FRMD8: variants seen among roughly 807,000 people sequenced by gnomAD.
The protein encoded by FRMD8 is FERM domain-containing protein 8.
Under a neutral mutation model 54.2 loss-of-function variants are expected in FRMD8, and 37 were observed. The observed-to-expected ratio is 0.68, with a 90% confidence interval of 0.53 to 0.90. FRMD8 has a LOEUF of 0.90. FRMD8 is among the 40% of genes least tolerant of loss of function. The probability of loss-of-function intolerance (pLI) is 0.00; values close to 1 mark genes in which losing one functional copy is unlikely to be tolerated. For missense variants in FRMD8, 585 were observed against 653.7 expected (o/e 0.89, Z 1.15); for synonymous variants, 246 against 286.9 (o/e 0.86, Z 1.44).
Position 65,405,013 on chromosome 11 carries a change from C to G in FRMD8, c.1221C>G (p.Gly407=), listed in dbSNP as rs772809773. The G allele has an allele frequency of 6.2e-7, 1 of 1,613,278 alleles. No homozygotes were observed. Residue 407 remains glycine (G), a synonymous_variant, in exon 10 of 11, where the codon GGC becomes GGG. Transcript: ENST00000317568. ...PVQRPKLRRQ[G]SVVSSRIQHL... is the part of the protein sequence containing the mutation. ...AGCGCCCCAAGCTGCGGAGGCAGGGCAGTGTGGTGTCCAGCCGGATCCAGC... is the reference window on the plus strand; with the variant it reads ...AGCGCCCCAAGCTGCGGAGGCAGGGGAGTGTGGTGTCCAGCCGGATCCAGC...
Position 65,400,708 on chromosome 11 carries a change from G to A in FRMD8, c.928-16G>A, listed in dbSNP as rs201701954. On this transcript the variant is annotated splice_polypyrimidine_tract_variant and intron_variant, in intron 8 of 10. Coordinates refer to ENST00000317568, the MANE Select transcript of FRMD8 (RefSeq NM_031904.5). This position sits in a 1 kb window ranked among gnomAD's most constrained non-coding sequence, Gnocchi z 4.3. ...GCCCAGGGGTCAAGCCTGGCTCTGT[G>A]TCTCCTGCTGGCCAGCATGTCCTGC... is the stretch of plus-strand genomic sequence containing the variant. 1,551 of 1,565,370 alleles carry A rather than the reference G, an allele frequency of 9.9e-4. 4 individuals carry two copies. Among genetic ancestry groups the A allele is most frequent in the Middle Eastern group, 4.0e-3 (23 of 5,686 alleles).
At chr11:65,386,584 G>T (rs1270836833), upstream of FRMD8, 1 of 165,600 alleles carries the variant, frequency 6.0e-6, no homozygotes, top group Admixed American at 6.5e-5. Context: ...GCTCCCCCGG[G>T]TCGAAGGGGG....
the FRMD8 span, chr11:65,376,290 T>G: frequency 7.6e-7 from 1 of 1,321,478 alleles, no homozygotes; most frequent in Non-Finnish European, 1.0e-6. Flanking sequence ...GGAGGCACCT[T>G]GGTTAGGAAG....
intron 10 of FRMD8, among the ~76,000 whole-genome samples, chr11:65,405,624 A>AAAAT (rs547447537): frequency 2.4e-4 from 37 of 152,168 alleles, no homozygotes; most frequent in East Asian, 7.7e-4. Context: ...CTCCGTCTCA[A>AAAAT]AAATAAATAA....
At chr11:65,403,416 C>T (rs937478384) in intron 9 of FRMD8, among the ~76,000 whole-genome samples, 1 of 152,200 alleles carries the variant, frequency 6.6e-6, no homozygotes, top group African/African-American at 2.4e-5. Flanking sequence ...CTCCTGACCT[C>T]AGGTGATCCA....
intron 3 of FRMD8, among the ~76,000 whole-genome samples, chr11:65,390,741 G>A (rs1855828440): frequency 6.6e-6 from 1 of 152,210 alleles, no homozygotes; most frequent in African/African-American, 2.4e-5. Context: ...TGGGGGTACA[G>A]TTCTGCATGG....
At chr11:65,387,401 A>C in intron 2 of FRMD8, 1 of 611,080 alleles carries the variant, frequency 1.6e-6, no homozygotes, top group Non-Finnish European at 2.9e-6. Context: ...GATGTGGTTC[A>C]TGCTTGTAAT....
At chr11:65,389,304 C>T (rs1855792666) in intron 2 of FRMD8, 57 bp from the exon 3 acceptor site, 37 of 1,574,680 alleles carry the variant, frequency 2.3e-5, no homozygotes, top group Non-Finnish European at 2.9e-5. Flanking sequence ...CCTGGTTGGC[C>T]TGGCCTGGCT....
intron 6 of FRMD8, 98 bp from the exon 7 acceptor site, chr11:65,396,701 G>A: frequency 2.8e-6 from 2 of 708,188 alleles, no homozygotes. Context: ...AAGTAGATGT[G>A]TGTCTGCTTC....
At chr11:65,397,124 T>C in intron 7 of FRMD8, 104 bp downstream of exon 7, 1 of 637,576 alleles carries the variant, frequency 1.6e-6, no homozygotes, top group Non-Finnish European at 2.5e-6. Flanking sequence ...CTGAGCTGTG[T>C]CCCCATGAAG....
the FRMD8 span, chr11:65,375,561 A>C: frequency 1.3e-5 from 2 of 152,466 alleles, no homozygotes; most frequent in African/African-American, 4.8e-5. Flanking sequence ...GGGTCCAGGA[A>C]GCAACCCCAG....
rs765424372 is a variant in FRMD8, at chr11:65,400,836, TCAA to T, written c.1044_1046del (p.Asn348del). ...GACGGGGACAGCGAGGGCACACCTG[TCAA>T]CAAGCTCCTCAAGATCTACTCCAAG... is the stretch of plus-strand genomic sequence containing the variant. On this transcript the variant is annotated inframe_deletion, in exon 9 of 11. Transcript: ENST00000317568. This position sits in a 1 kb window ranked among gnomAD's most constrained non-coding sequence, Gnocchi z 4.3. 1.2e-6 allele frequency: 2 copies of T among 1,612,076 alleles called. No homozygotes were observed. The highest frequency in any genetic ancestry group is 1.1e-5 in the South Asian group (1 of 90,586).
chr11:65,395,017 C>T lies in FRMD8; in HGVS notation c.581+592C>T, dbSNP rs149640716. Among the ~76,000 whole-genome samples, 263 of 152,266 alleles carry T rather than the reference C, an allele frequency of 1.7e-3. 1 individual carries two copies. Among genetic ancestry groups the T allele is most frequent in the African/African-American group, 5.8e-3 (239 of 41,542 alleles). ...ATCCCAACACTTTGGGAGGTCAAGG[C>T]AGGCAAATCGCTTAAGGTCAGGAGT... On this transcript the variant is annotated intron_variant, in intron 6 of 10. Coordinates refer to ENST00000317568, the MANE Select transcript of FRMD8 (RefSeq NM_031904.5).
chr11:65,387,098 G>A lies in FRMD8; in HGVS notation c.62G>A (p.Ser21Asn). 6.2e-7 allele frequency: 1 copy of A among 1,607,460 alleles called. No homozygotes were observed. Among genetic ancestry groups the A allele is most frequent in the Non-Finnish European group, 8.5e-7 (1 of 1,179,994 alleles). ...PGPAERSHRS[S>N]VSSVGARAAD... ...CCCGCTGAGCGATCCCACCGAAGCA[G>A]CGTGTCCTCCGTGGGAGCCCGAGGT... is the stretch of plus-strand genomic sequence containing the variant. The change falls in exon 2 of 11, where the codon AGC (serine) becomes AAC (asparagine). Residue 21 changes from serine (S) to asparagine (N), a missense_variant. Ser to Asn is a conservative substitution (Grantham distance 46, BLOSUM62 1). Transcript: ENST00000317568.
chr11:65,395,526 C>T (rs1176375663), intron 6 of FRMD8, among the ~76,000 whole-genome samples: 3 of 152,082 alleles, frequency 2.0e-5, no homozygotes, highest in Non-Finnish European at 4.4e-5. Context: ...GCAACAAGAG[C>T]GAAACTCCGT....
intron 9 of FRMD8, among the ~76,000 whole-genome samples, chr11:65,401,893 C>T (rs1219746405): frequency 6.9e-6 from 1 of 145,984 alleles, no homozygotes. Flanking sequence ...TTTTGCCTAA[C>T]CCAAGACCAC....
chr11:65,393,962 C>G, intron 4 of FRMD8, 79 bp from the exon 5 acceptor site: 1 of 1,494,838 alleles, frequency 6.7e-7, no homozygotes, highest in African/African-American at 1.4e-5. Flanking sequence ...AGGTTGGTGG[C>G]CAGGGCCTGG....
At chr11:65,375,380 G>A in the FRMD8 span, 1 of 152,364 alleles carries the variant, frequency 6.6e-6, no homozygotes, top group Non-Finnish European at 1.5e-5. Context: ...AGGGTGTCTG[G>A]GAACCCCAAA....
chr11:65,398,965 A>C (rs1041643389), intron 7 of FRMD8, among the ~76,000 whole-genome samples: 1 of 148,662 alleles, frequency 6.7e-6, no homozygotes, highest in Non-Finnish European at 1.5e-5. Context: ...GCAAGGCTGC[A>C]GGAGGGACAG....
Sources: allele counts gnomAD v4.1 joint callset (sites outside exome capture counted in the v4.1 genomes callset), GRCh38; gene constraint gnomAD v4.1.1; non-coding constraint Gnocchi (gnomAD v3.1); transcripts MANE v1.5; gene names NCBI Gene and HGNC (gene_info 2026-07-23, HGNC 2026-07-21).